The following PHLPP2 variants were observed in gnomAD, a reference collection of about 807,000 sequenced individuals.
PHLPP2 encodes PH domain and leucine rich repeat protein phosphatase 2.
PHLPP2 carries 66 observed loss-of-function variants against 124.9 expected under a neutral mutation model. The observed-to-expected ratio is 0.53, with a 90% CI of 0.43 to 0.65. The LOEUF is 0.65. Among genes scored for constraint, PHLPP2 ranks in the 30% least tolerant of loss-of-function variants. The pLI, the probability that PHLPP2 is intolerant of heterozygous loss-of-function variation, is 0.00. For missense variants in PHLPP2, 1,685 were observed against 1,600.4 expected, an observed-to-expected ratio of 1.05 and a Z score of -0.90; for synonymous variants, 681 against 624.7, an observed-to-expected ratio of 1.09 and a Z score of -1.34.
chr16:71,649,306 TGA>T lies in PHLPP2; in HGVS notation c.3554_3555del (p.Leu1185HisfsTer10). ...RGRDLENSPP[L>X]IESSPTLCSE... is the part of the protein sequence containing the mutation. ...GAACACAGGGTAGGAGAACTCTCTA[TGA>T]GAGGGGGTGAGTTCTCCAGATCCCT... is the stretch of plus-strand genomic sequence containing the variant. On this transcript the variant is annotated frameshift_variant, in exon 19 of 19. Coordinates refer to ENST00000568954, the MANE Select transcript of PHLPP2 (RefSeq NM_015020.3). LOFTEE classifies it high-confidence loss of function. 6.2e-7 allele frequency: 1 copy of T among 1,613,850 alleles called. No individual in the cohort carries two copies. Among genetic ancestry groups the T allele is most frequent in the Non-Finnish European group, 8.5e-7 (1 of 1,179,854 alleles).
intron 1 of PHLPP2, among the ~76,000 whole-genome samples, chr16:71,718,221 A>T (rs572071260): frequency 1.3e-5 from 2 of 152,140 alleles, no homozygotes; most frequent in Non-Finnish European, 2.9e-5. Context: ...GATTTTTAAC[A>T]GTCATTTTTA....
intron 6 of PHLPP2, among the ~76,000 whole-genome samples, chr16:71,681,547 A>G (rs143446426): frequency 6.6e-6 from 1 of 152,346 alleles, no homozygotes; most frequent in African/African-American, 2.4e-5. Flanking sequence ...GATCAACAGA[A>G]GCTCACAGAA....
At chr16:71,656,445 T>C in intron 16 of PHLPP2, 126 bp downstream of exon 16, 2 of 611,588 alleles carry the variant, frequency 3.3e-6, no homozygotes, top group East Asian at 2.7e-5. Flanking sequence ...TATCTGACGC[T>C]GATGTTCTAT....
At chr16:71,722,655 A>C (rs1225887643) in intron 1 of PHLPP2, among the ~76,000 whole-genome samples, 1 of 152,158 alleles carries the variant, frequency 6.6e-6, no homozygotes, top group African/African-American at 2.4e-5. Flanking sequence ...TTTGTTTTGC[A>C]ATGTATTTTT....
rs973112970 is a variant in PHLPP2, at chr16:71,669,389, T to G, written c.1533-19A>C. The G allele has an allele frequency of 3.9e-6, 6 of 1,537,976 alleles. No homozygotes were observed. The highest frequency in any genetic ancestry group is 1.7e-5 in the Admixed American group (1 of 59,750). ...CAGGTTTCTGCAGAAAATAAATAAT[T>G]AAATGGCACCATTTAAGATGACAAG... On this transcript the variant is annotated intron_variant, in intron 10 of 18. Coordinates refer to ENST00000568954, the MANE Select transcript of PHLPP2 (RefSeq NM_015020.3).
chr16:71,650,736 A>G (rs778529650), intron 18 of PHLPP2, among the ~76,000 whole-genome samples: 10 of 152,248 alleles, frequency 6.6e-5, no homozygotes, highest in African/African-American at 1.2e-4. Flanking sequence ...ACAAAACTCT[A>G]AAGTCATCAA....
chr16:71,667,910 T>C (rs1435892477), intron 11 of PHLPP2, among the ~76,000 whole-genome samples: 2 of 152,172 alleles, frequency 1.3e-5, no homozygotes, highest in Non-Finnish European at 2.9e-5. Context: ...AAAGACTCCA[T>C]AGAAAATAAC....
rs1439957027 is a variant in PHLPP2 at position 71,660,128 on chromosome 16, ATAAAT to A, written c.1986-1318_1986-1314del. On this transcript the variant is annotated intron_variant, in intron 13 of 18. Transcript: ENST00000568954. Reference sequence around the variant, plus strand: ...AATCTTTTAATGCTACTTCATTAAAATAAATTAAATAATCTCTGATAACATTTTAG... The same window carrying A: ...AATCTTTTAATGCTACTTCATTAAAATAAATAATCTCTGATAACATTTTAG... Among the ~76,000 whole-genome samples the A allele has an allele frequency of 4.6e-5, 7 of 152,190 alleles. No homozygotes were observed. In the South Asian group the frequency reaches 6.2e-4, roughly 14 times the overall value.
At chr16:71,654,519 C>T (rs1054353975) in intron 17 of PHLPP2, among the ~76,000 whole-genome samples, 6 of 152,286 alleles carry the variant, frequency 3.9e-5, no homozygotes, top group African/African-American at 1.4e-4. Flanking sequence ...GCAGAGGTAG[C>T]GACCCATAGC....
chr16:71,660,719 T>C (rs1596991270), intron 13 of PHLPP2, among the ~76,000 whole-genome samples: 3 of 152,104 alleles, frequency 2.0e-5, no homozygotes, highest in Admixed American at 6.6e-5. Flanking sequence ...ATTGTATTTA[T>C]GATTTTATTT....
At chr16:71,677,528 T>A (rs2145335395) in intron 8 of PHLPP2, 3 of 133,710 alleles carry the variant, frequency 2.2e-5, no homozygotes, top group Admixed American at 2.2e-4. Flanking sequence ...GAAAATGACC[T>A]CTGGGTTTTT....
intron 3 of PHLPP2, among the ~76,000 whole-genome samples, chr16:71,701,300 CTATCTATCTATCTATATA>C (rs1567626535): frequency 6.5e-4 from 55 of 85,080 alleles, no homozygotes; most frequent in African/African-American, 2.4e-3. Flanking sequence ...ATCTATCTAT[CTATCTATCTATCTATATA>C]TCTATCTACC....
At position 71,711,498 on chromosome 16, in the gene PHLPP2, G is replaced by T. The variant is rs73580223; in HGVS notation, c.284+3014C>A. On this transcript the variant is annotated intron_variant, in intron 2 of 18. Coordinates refer to ENST00000568954, the MANE Select transcript of PHLPP2 (RefSeq NM_015020.3). ...TGGGGAGGCAATACAGAAGACAGAC[G>T]TAGTATAAGAATGCCAGGATTCAAA... Among the ~76,000 whole-genome samples the T allele has an allele frequency of 2.4e-3, 372 of 152,254 alleles. 2 individuals are homozygous for T. The highest frequency in any genetic ancestry group is 8.0e-3 in the African/African-American group (332 of 41,544).
intron 3 of PHLPP2, among the ~76,000 whole-genome samples, chr16:71,692,391 G>A (rs532742065): frequency 1.3e-5 from 2 of 151,936 alleles, no homozygotes; most frequent in Non-Finnish European, 2.9e-5. Context: ...ATACAATTAG[G>A]TATCACTTTG....
At chr16:71,684,019 C>T (rs530301454) in intron 5 of PHLPP2, among the ~76,000 whole-genome samples, 2 of 151,904 alleles carry the variant, frequency 1.3e-5, no homozygotes, top group Admixed American at 6.6e-5. Flanking sequence ...CTGAAACTCC[C>T]GACCTCAGGT....
intron 11 of PHLPP2, among the ~76,000 whole-genome samples, chr16:71,668,355 G>C (rs2044857669): frequency 7.2e-6 from 1 of 138,658 alleles, no homozygotes; most frequent in African/African-American, 2.7e-5. Flanking sequence ...GGCAGAGCTT[G>C]CAGTGAGCCG....
Position 71,679,429 on chromosome 16 carries a change from C to G in PHLPP2, c.997G>C (p.Gly333Arg). Residue 333 changes from glycine to arginine, a missense_variant, in exon 7 of 19, where the codon GGA becomes CGA. Transcript: ENST00000568954. ...TLTELNLSCN[G>R]FHDLPSQIGN... ...ATTTGACTTGGTAGGTCATGAAATC[C>G]ATTACAGGAAAGGTTGAGCTCAGTC... The G allele has an allele frequency of 6.2e-7, 1 of 1,613,804 alleles. No homozygotes were observed. Among genetic ancestry groups the G allele is most frequent in the Non-Finnish European group, 8.5e-7 (1 of 1,179,796 alleles).
chr16:71,710,000 CCTGT>C (rs2045313181), intron 2 of PHLPP2, among the ~76,000 whole-genome samples: 1 of 152,242 alleles, frequency 6.6e-6, no homozygotes, highest in East Asian at 1.9e-4. Context: ...CACCACCATG[CCTGT>C]CTAATTTTTT....
chr16:71,671,551 A>G (rs2145327917), intron 10 of PHLPP2, among the ~76,000 whole-genome samples: 1 of 152,188 alleles, frequency 6.6e-6, no homozygotes, highest in Non-Finnish European at 1.5e-5. Context: ...CCTGAATATA[A>G]TTAATGTCCC....
Sources: allele counts gnomAD v4.1 joint callset (sites outside exome capture counted in the v4.1 genomes callset), GRCh38; gene constraint gnomAD v4.1.1; transcripts MANE v1.5; gene names NCBI Gene and HGNC (gene_info 2026-07-23, HGNC 2026-07-21).